The following LHFPL3 variants were observed in gnomAD, a reference collection of about 807,000 sequenced individuals.
The protein encoded by LHFPL3 is LHFPL tetraspan subfamily member 3.
In LHFPL3, 5 loss-of-function variants were observed where a neutral mutation model predicts 19.3. The observed-to-expected ratio is 0.26, with a 90% CI of 0.14 to 0.54. LHFPL3 has a LOEUF of 0.54. Among genes scored for constraint, LHFPL3 ranks in the 20% least tolerant of loss-of-function variants. The pLI is 0.94. For missense variants in LHFPL3, 249 were observed against 307.4 expected, an observed-to-expected ratio of 0.81 and a Z score of 1.42; for synonymous variants, 133 against 126.2, an observed-to-expected ratio of 1.05 and a Z score of -0.36.
intron 1 of LHFPL3, among the ~76,000 whole-genome samples, chr7:104,653,070 G>T (rs1792060332): frequency 1.3e-5 from 2 of 152,142 alleles, no homozygotes; most frequent in Non-Finnish European, 2.9e-5. Flanking sequence ...CAGCCTTAAG[G>T]TTTCCCAGAT....
chr7:104,900,823 T>C (rs1792468184), intron 2 of LHFPL3, among the ~76,000 whole-genome samples: 1 of 152,198 alleles, frequency 6.6e-6, no homozygotes, highest in Non-Finnish European at 1.5e-5. Context: ...TTTGGAAATG[T>C]AACATGGGCA....
chr7:104,343,675 T>C (rs1044376622), intron 1 of LHFPL3, among the ~76,000 whole-genome samples: 4 of 152,050 alleles, frequency 2.6e-5, no homozygotes, highest in African/African-American at 9.7e-5. Flanking sequence ...CCATTGTCAC[T>C]TCATCTGCCT....
intron 1 of LHFPL3, among the ~76,000 whole-genome samples, chr7:104,508,212 A>G (rs1793738341): frequency 6.6e-6 from 1 of 152,102 alleles, no homozygotes; most frequent in Non-Finnish European, 1.5e-5. Flanking sequence ...ACCAACCCAA[A>G]TGTCCAACAA....
chr7:104,699,365 C>T (rs1243596322), intron 1 of LHFPL3, among the ~76,000 whole-genome samples: 1 of 152,218 alleles, frequency 6.6e-6, no homozygotes, highest in East Asian at 1.9e-4. Context: ...GACACTTTTA[C>T]ACATGCCAGG....
At chr7:104,868,381 T>C (rs1791769907) in intron 2 of LHFPL3, among the ~76,000 whole-genome samples, 1 of 152,170 alleles carries the variant, frequency 6.6e-6, no homozygotes, top group African/African-American at 2.4e-5. Context: ...TTCAGCAAAG[T>C]CTCAGGATAC....
chr7:104,725,188 T>C (rs904729092), intron 1 of LHFPL3, among the ~76,000 whole-genome samples: 1 of 152,186 alleles, frequency 6.6e-6, no homozygotes, highest in African/African-American at 2.4e-5. Context: ...CTGTTTTTTT[T>C]TATCCCAATT....
intron 1 of LHFPL3, among the ~76,000 whole-genome samples, chr7:104,613,443 A>G (rs1791247256): frequency 6.6e-6 from 1 of 152,186 alleles, no homozygotes; most frequent in African/African-American, 2.4e-5. Context: ...AAATGCTGCT[A>G]TGAAGAAAAG....
chr7:104,426,022 G>T (rs1004570667), intron 1 of LHFPL3, among the ~76,000 whole-genome samples: 1 of 152,122 alleles, frequency 6.6e-6, no homozygotes, highest in Non-Finnish European at 1.5e-5. Context: ...CCTTCTGTTC[G>T]CAATGGCAAA....
chr7:104,524,533 T>C (rs1046935324), intron 1 of LHFPL3, among the ~76,000 whole-genome samples: 1 of 152,192 alleles, frequency 6.6e-6, no homozygotes, highest in African/African-American at 2.4e-5. Context: ...TGTATCTATC[T>C]CTTCCTTTAT....
intron 2 of LHFPL3, among the ~76,000 whole-genome samples, chr7:104,867,405 A>G (rs1476437082): frequency 2.0e-5 from 3 of 152,270 alleles, no homozygotes; most frequent in Non-Finnish European, 4.4e-5. Flanking sequence ...TATCACCACC[A>G]ATCCCACAGA....
intron 1 of LHFPL3, among the ~76,000 whole-genome samples, chr7:104,581,483 G>A (rs1280899493): frequency 6.6e-6 from 1 of 151,894 alleles, no homozygotes; most frequent in East Asian, 1.9e-4. Context: ...AGTATAGTTT[G>A]AGGAACAGAA....
At chr7:104,367,618 G>A (rs1790521076) in intron 1 of LHFPL3, among the ~76,000 whole-genome samples, 1 of 152,086 alleles carries the variant, frequency 6.6e-6, no homozygotes, top group South Asian at 2.1e-4. Flanking sequence ...TAGTGGATTT[G>A]GAAATATCAG....
chr7:104,408,864 C>T (rs377446141), intron 1 of LHFPL3, among the ~76,000 whole-genome samples: 28 of 105,414 alleles, frequency 2.7e-4, no homozygotes, highest in African/African-American at 3.7e-4. Context: ...AATTTTCTTT[C>T]TTTTTTTTTT....
chr7:104,614,033 G>T (rs1024605055), intron 1 of LHFPL3, among the ~76,000 whole-genome samples: 2 of 152,084 alleles, frequency 1.3e-5, no homozygotes, highest in African/African-American at 4.8e-5. Context: ...TGGCTCCCAG[G>T]TCCTTGAGAA....
In LHFPL3 at chr7:104,497,418, C is replaced by T. The variant is rs564888684; in HGVS notation, c.445+168194C>T. ...ACACACATACACACACACAGGTACACATATAACGTGAGGGGATATATGCAG... is the reference window on the plus strand; with the variant it reads ...ACACACATACACACACACAGGTACATATATAACGTGAGGGGATATATGCAG... On this transcript the variant is annotated intron_variant, in intron 1 of 2. Coordinates refer to ENST00000424859, the MANE Select transcript of LHFPL3 (RefSeq NM_199000.3). 5.3e-5 allele frequency among the ~76,000 whole-genome samples: 8 copies of T among 151,136 alleles called. No homozygotes were observed. The South Asian group carries it at 8.4e-4, about 16-fold the overall frequency.
chr7:104,407,480 A>T (rs188267180), intron 1 of LHFPL3, among the ~76,000 whole-genome samples: 1 of 152,286 alleles, frequency 6.6e-6, no homozygotes, highest in African/African-American at 2.4e-5. Flanking sequence ...TACATGGAGA[A>T]ACCCCATCTC....
intron 1 of LHFPL3, among the ~76,000 whole-genome samples, chr7:104,636,475 T>A (rs1791730623): frequency 6.6e-6 from 1 of 152,168 alleles, no homozygotes; most frequent in South Asian, 2.1e-4. Context: ...CATTTCATCA[T>A]CCAGGTACTA....
At chr7:104,815,537 G>A (rs554659793) in intron 2 of LHFPL3, among the ~76,000 whole-genome samples, 1 of 152,344 alleles carries the variant, frequency 6.6e-6, no homozygotes, top group South Asian at 2.1e-4. Context: ...AAGACCACTT[G>A]AGCAGTGATA....
intron 1 of LHFPL3, among the ~76,000 whole-genome samples, chr7:104,366,197 C>T (rs892475767): frequency 6.6e-6 from 1 of 152,126 alleles, no homozygotes; most frequent in Admixed American, 6.5e-5. Flanking sequence ...TCAGAGAACA[C>T]TGAGGGTAAA....
Sources: allele counts gnomAD v4.1 joint callset (sites outside exome capture counted in the v4.1 genomes callset), GRCh38; gene constraint gnomAD v4.1.1; transcripts MANE v1.5; gene names NCBI Gene and HGNC (gene_info 2026-07-23, HGNC 2026-07-21).